Variants in SLC2A14 observed in about 807,000 individuals in gnomAD.
SLC2A14 encodes the protein solute carrier family 2 member 14.
A neutral mutation model predicts 43.0 loss-of-function variants in SLC2A14; 13 were observed. The observed-to-expected ratio is 0.30, with a 90% CI of 0.20 to 0.48. The LOEUF (loss-of-function observed/expected upper bound fraction) is 0.48, where lower values mean the gene tolerates loss of function less well. SLC2A14 is among the 20% of genes least tolerant of loss of function. The probability of loss-of-function intolerance (pLI) is 0.99; values close to 1 mark genes in which losing one functional copy is unlikely to be tolerated. For missense variants in SLC2A14, 428 were observed against 620.4 expected, an observed-to-expected ratio of 0.69 and a Z score of 3.29; for synonymous variants, 190 against 233.8, an observed-to-expected ratio of 0.81 and a Z score of 1.71.
chr12:7,873,642 AAAACAAACAAACAAACAAAC>A (rs144363840), upstream of SLC2A14, among the ~76,000 whole-genome samples: 10 of 151,056 alleles, frequency 6.6e-5, no homozygotes, highest in East Asian at 2.0e-4. Flanking sequence ...TCCGTCTCAA[AAAACAAACAAACAAACAAAC>A]AAACAAACAA....
At chr12:7,819,429 C>T (rs374446228) in intron 9 of SLC2A14, 53 bp downstream of exon 9, 2 of 1,604,784 alleles carry the variant, frequency 1.2e-6, no homozygotes, top group South Asian at 1.1e-5. Context: ...CAGAAGTCAA[C>T]TGTAACCTCT....
chr12:7,846,761 A>G lies in SLC2A14; in HGVS notation c.19-13947T>C, dbSNP rs991643153. 2.2e-3 allele frequency among the ~76,000 whole-genome samples: 336 copies of G among 149,684 alleles called. 6 individuals carry two copies. Among genetic ancestry groups the G allele is most frequent in the Admixed American group, 0.019 (283 of 14,814 alleles). ...ATTCTCCTGCCTCAGCCTCTGGAGT[A>G]GCTGGGATTACAAGCGCCCGCCACT... On this transcript the variant is annotated intron_variant, in intron 2 of 10. Coordinates refer to ENST00000431042, the MANE Select transcript of SLC2A14 (RefSeq NM_001286234.2).
chr12:7,875,124 G>GTTAAATATATTTAAATATTATATTTAAAA (rs1396549238), upstream of SLC2A14, among the ~76,000 whole-genome samples: 27 of 9,688 alleles, frequency 2.8e-3, no homozygotes, highest in African/African-American at 8.0e-3. Flanking sequence ...TATTTAAATA[G>GTTAAATATATTTAAATATTATATTTAAAA]TTAAATATAT....
Position 7,867,447 on chromosome 12 carries a change from C to T in SLC2A14, c.18+2416G>A, listed in dbSNP as rs187196356. Among the ~76,000 whole-genome samples the T allele has an allele frequency of 7.9e-5, 12 of 152,166 alleles. No homozygotes were observed. In the East Asian group the frequency reaches 2.3e-3, roughly 29 times the overall value. On this transcript the variant is annotated intron_variant, in intron 2 of 10. Coordinates refer to ENST00000431042, the MANE Select transcript of SLC2A14 (RefSeq NM_001286234.2). ...GTAACTGTAGATGTGGTAGAAATAG[C>T]AAGAGAACTAGAATTAGAAGTGGAA... is the stretch of plus-strand genomic sequence containing the variant.
In SLC2A14 at chr12:7,826,965, TTC is replaced by T. The variant is rs377612092; in HGVS notation, c.864+528_864+529del. Among the ~76,000 whole-genome samples the T allele has an allele frequency of 2.1e-3, 156 of 74,280 alleles. 4 individuals are homozygous for T. Among genetic ancestry groups the T allele is most frequent in the African/African-American group, 4.9e-3 (103 of 20,892 alleles). 48.7% of individuals were successfully genotyped at this position (74,280 alleles called of 152,430 possible). A position where few individuals can be genotyped will look rare whatever the true frequency, so the allele number is the denominator to read the frequency against. ...CCTTTCTTTCCTTTCTTCTCTCTCTTTCTCTCTCTCTTTCTCTCCTTTCTCTC... is the reference window on the plus strand; with the variant it reads ...CCTTTCTTTCCTTTCTTCTCTCTCTTTCTCTCTCTTTCTCTCCTTTCTCTC... On this transcript the variant is annotated intron_variant, in intron 7 of 10. Coordinates refer to ENST00000431042, the MANE Select transcript of SLC2A14 (RefSeq NM_001286234.2).
At chr12:7,875,135 T>TTAAATATTATGTTTAAAATTAAATATATA (rs1945435395), upstream of SLC2A14, among the ~76,000 whole-genome samples, 1 of 109,452 alleles carries the variant, frequency 9.1e-6, no homozygotes, top group Admixed American at 1.2e-4. Flanking sequence ...TTAAATATAT[T>TTAAATATTATGTTTAAAATTAAATATATA]TAAATATTAT....
chr12:7,816,028 G>A (rs1227589989), intron 10 of SLC2A14, among the ~76,000 whole-genome samples: 1 of 151,730 alleles, frequency 6.6e-6, no homozygotes, highest in Non-Finnish European at 1.5e-5. Context: ...AGCCTCCCAA[G>A]TACCTGAGAT....
At position 7,834,346 on chromosome 12, in the gene SLC2A14, A is replaced by T. The variant is rs761118981; in HGVS notation, c.19-1532T>A. Among the ~76,000 whole-genome samples, 6 of 152,054 alleles carry T rather than the reference A, an allele frequency of 3.9e-5. No individual in the cohort carries two copies. In the South Asian group the frequency reaches 1.0e-3, roughly 26 times the overall value. ...CATGCCTTAGCTCCCAAATGCTGGG[A>T]TTATTTTTAAAGGTTACAATTGGAA... On this transcript the variant is annotated intron_variant, in intron 2 of 10. Transcript: ENST00000431042.
intron 2 of SLC2A14, among the ~76,000 whole-genome samples, chr12:7,837,153 T>A (rs1411492130): frequency 2.7e-5 from 4 of 149,736 alleles, no homozygotes; most frequent in African/African-American, 9.9e-5. Context: ...GGTGACAGAG[T>A]GAGACTCCAT....
chr12:7,848,615 G>A (rs1396443460), intron 2 of SLC2A14, among the ~76,000 whole-genome samples: 2 of 151,292 alleles, frequency 1.3e-5, no homozygotes, highest in Non-Finnish European at 2.9e-5. Context: ...GAGTGCAATG[G>A]CGCAGTCTCA....
chr12:7,863,987 TTG>T (rs1348164229), intron 2 of SLC2A14, among the ~76,000 whole-genome samples: 1 of 151,696 alleles, frequency 6.6e-6, no homozygotes, highest in African/African-American at 2.4e-5. Context: ...GGCTAATTTT[TTG>T]TGTTTTTTAG....
intron 1 of SLC2A14, among the ~76,000 whole-genome samples, chr12:7,882,571 A>C (rs1945604482): frequency 6.6e-6 from 1 of 152,064 alleles, no homozygotes. Flanking sequence ...AGTGGCTCAC[A>C]CTTGTGATCT....
chr12:7,873,123 C>G (rs1945333116), upstream of SLC2A14: 2 of 985,496 alleles, frequency 2.0e-6, no homozygotes, highest in South Asian at 9.4e-5. Context: ...CTGGGGATCC[C>G]TCCGAGCGCC....
intron 3 of SLC2A14, among the ~76,000 whole-genome samples, chr12:7,832,435 A>G (rs1024579329): frequency 2.5e-4 from 38 of 152,148 alleles, no homozygotes; most frequent in African/African-American, 8.4e-4. Flanking sequence ...CCTTTGATTA[A>G]ATGACCCCAC....
chr12:7,849,591 G>A (rs1002321682), intron 2 of SLC2A14, among the ~76,000 whole-genome samples: 1 of 151,680 alleles, frequency 6.6e-6, no homozygotes, highest in Non-Finnish European at 1.5e-5. Context: ...AAATTAAAAT[G>A]TATGTGGATA....
intron 2 of SLC2A14, among the ~76,000 whole-genome samples, chr12:7,857,701 T>C (rs1202306796): frequency 6.6e-6 from 1 of 152,188 alleles, no homozygotes; most frequent in Admixed American, 6.5e-5. Context: ...CTCCCTTTTA[T>C]TTATTTTTGA....
intron 1 of SLC2A14, chr12:7,871,037 C>T (rs1193887342): frequency 1.4e-5 from 20 of 1,423,302 alleles, no homozygotes; most frequent in East Asian, 3.5e-5. Context: ...CTGGCTTCAC[C>T]GCGGAAGAAC....
At chr12:7,836,502 G>A (rs1302024798) in intron 2 of SLC2A14, among the ~76,000 whole-genome samples, 2 of 152,124 alleles carry the variant, frequency 1.3e-5, no homozygotes, top group Non-Finnish European at 2.9e-5. Flanking sequence ...TTACAGGCGT[G>A]AGCCACTGAG....
At chr12:7,874,199 C>T (rs1945368218), upstream of SLC2A14, among the ~76,000 whole-genome samples, 1 of 152,034 alleles carries the variant, frequency 6.6e-6, no homozygotes, top group Non-Finnish European at 1.5e-5. Flanking sequence ...AACTCTCACA[C>T]ATTTGTTAAT....
Sources: gnomAD v4.1 joint callset for allele counts (sites outside exome capture counted in the v4.1 genomes callset) on GRCh38, gnomAD v4.1.1 for gene constraint, MANE v1.5 for transcripts, NCBI Gene and HGNC (gene_info 2026-07-23, HGNC 2026-07-21) for gene names.